The following STS variants were observed in gnomAD, a reference collection of about 807,000 sequenced individuals.
The protein encoded by STS is steryl-sulfatase.
A neutral mutation model predicts 26.8 loss-of-function variants in STS; 7 were observed. The observed-to-expected ratio is 0.26, with a 90% confidence interval of 0.15 to 0.49. The LOEUF (loss-of-function observed/expected upper bound fraction) is 0.49. STS is among the 20% of genes least tolerant of loss of function. The pLI is 0.98. For synonymous variants in STS, 199 were observed against 189.4 expected (o/e 1.05, Z -0.42); for missense variants, 434 against 465.6 (o/e 0.93, Z 0.63).
chrX:7,218,572 C>A (rs1016292240), intron 2 of STS, among the ~76,000 whole-genome samples: 2 of 111,891 alleles, frequency 1.8e-5, no homozygotes, highest in African/African-American at 6.5e-5. Flanking sequence ...GGTTGAGGAA[C>A]CCTATAGAGA....
intron 6 of STS, among the ~76,000 whole-genome samples, chrX:7,274,767 C>T (rs141770818): frequency 0.04 from 4,501 of 111,815 alleles, 214 homozygotes; most frequent in African/African-American, 0.14. Flanking sequence ...TCCCCTCTCT[C>T]GAGAGGTTTA....
Position 7,297,135 on chromosome X carries a change from G to A in STS, c.944-7911G>A, listed in dbSNP as rs1311622678. On this transcript the variant is annotated intron_variant, in intron 7 of 10. Coordinates refer to ENST00000674429, the MANE Select transcript of STS (RefSeq NM_001320752.2). ...AAGTCTCATTATGAGCATTGTTACT[G>A]AGAACTGTGAAATTCCAGCCATCTC... 6.3e-5 allele frequency among the ~76,000 whole-genome samples: 7 copies of A among 111,994 alleles called. No individual in the cohort carries two copies. The Admixed American group carries it at 6.6e-4, about 11-fold the overall frequency.
chrX:7,169,484 C>G (rs1413266372), intron 1 of STS, among the ~76,000 whole-genome samples: 1 of 112,410 alleles, frequency 8.9e-6, no homozygotes, highest in African/African-American at 3.2e-5. Flanking sequence ...GTGAATAATA[C>G]TGCTGTGAAC....
intron 6 of STS, among the ~76,000 whole-genome samples, chrX:7,274,658 A>G (rs1924443558): frequency 8.9e-6 from 1 of 112,207 alleles, no homozygotes; most frequent in African/African-American, 3.2e-5. Context: ...CCACGCATTG[A>G]CAGTGACTTA....
At chrX:7,305,561 A>G (rs1926173401) in intron 8 of STS, among the ~76,000 whole-genome samples, 1 of 112,390 alleles carries the variant, frequency 8.9e-6, no homozygotes, top group African/African-American at 3.2e-5. Context: ...AGAAGTCAGA[A>G]GTTCAAGATG....
At chrX:7,241,834 C>T (rs763110252) in intron 2 of STS, among the ~76,000 whole-genome samples, 1 of 112,161 alleles carries the variant, frequency 8.9e-6, no homozygotes, top group African/African-American at 3.2e-5. Context: ...GCTGTGGTCT[C>T]ATCTGTGGTC....
At chrX:7,340,072 AG>A (rs1928212892) in intron 10 of STS, among the ~76,000 whole-genome samples, 1 of 108,962 alleles carries the variant, frequency 9.2e-6, no homozygotes, top group Non-Finnish European at 1.9e-5. Flanking sequence ...AAAAAAAAAA[AG>A]CGCCAAAAAA....
At chrX:7,158,535 GAGA>G (rs1418331344) in intron 1 of STS, among the ~76,000 whole-genome samples, 1 of 111,706 alleles carries the variant, frequency 9.0e-6, no homozygotes, top group Non-Finnish European at 1.9e-5. Flanking sequence ...GGACCAGTGA[GAGA>G]AGAACAAACC....
chrX:7,319,789 T>A (rs1343263401), intron 8 of STS, among the ~76,000 whole-genome samples: 1 of 106,813 alleles, frequency 9.4e-6, no homozygotes, highest in East Asian at 2.9e-4. Flanking sequence ...TAAAGTGATA[T>A]TGGAGAACTG....
intron 6 of STS, among the ~76,000 whole-genome samples, chrX:7,264,484 T>G (rs1363293090): frequency 6.2e-5 from 7 of 112,179 alleles, no homozygotes; most frequent in Non-Finnish European, 5.6e-5. Flanking sequence ...TAGGGTGGCC[T>G]TTGCTAGCCT....
intron 1 of STS, among the ~76,000 whole-genome samples, chrX:7,158,226 G>T (rs1933173875): frequency 8.9e-6 from 1 of 111,746 alleles, no homozygotes; most frequent in African/African-American, 3.3e-5. Flanking sequence ...ATCCCTGCCT[G>T]ATCTGCTCTA....
chrX:7,232,339 A>G (rs1922098475), intron 2 of STS, among the ~76,000 whole-genome samples: 1 of 112,188 alleles, frequency 8.9e-6, no homozygotes. Flanking sequence ...TATACAGTGC[A>G]TTAGCGTTAG....
intron 2 of STS, among the ~76,000 whole-genome samples, chrX:7,232,986 C>G (rs1017468507): frequency 3.6e-5 from 4 of 111,326 alleles, no homozygotes; most frequent in Non-Finnish European, 7.5e-5. Context: ...CATCACCTTC[C>G]GCCATGATTG....
chrX:7,176,325 G>A (rs1353433670), intron 1 of STS, among the ~76,000 whole-genome samples: 1 of 111,612 alleles, frequency 9.0e-6, no homozygotes, highest in Admixed American at 9.6e-5. Context: ...GTAGAAGAAA[G>A]TTGATTAGGA....
chrX:7,256,840 A>G (rs1368390090), intron 3 of STS, among the ~76,000 whole-genome samples: 2 of 111,702 alleles, frequency 1.8e-5, no homozygotes, highest in Non-Finnish European at 3.8e-5. Context: ...ATTCTGTATC[A>G]CTTCTTCCCC....
intron 2 of STS, among the ~76,000 whole-genome samples, chrX:7,195,982 C>T (rs1478544528): frequency 8.9e-6 from 1 of 112,346 alleles, no homozygotes; most frequent in Non-Finnish European, 1.9e-5. Flanking sequence ...TGCATCTTAG[C>T]CGTGATTTCT....
intron 2 of STS, chrX:7,219,695 C>T: frequency 8.3e-7 from 1 of 1,211,766 alleles, no homozygotes. Context: ...AGGTAAGCGT[C>T]TATTCCCCTG....
At chrX:7,301,628 C>G (rs1047570381) in intron 7 of STS, among the ~76,000 whole-genome samples, 11 of 111,271 alleles carry the variant, frequency 9.9e-5, no homozygotes, top group Non-Finnish European at 2.1e-4. Flanking sequence ...TGGGTTTGGA[C>G]AAAGGTATAA....
At position 7,351,979 on chromosome X, in the gene STS, AC is replaced by A. The variant is rs1461332783; in HGVS notation, c.*1723del. 3.7e-5 allele frequency: 4 copies of A among 108,855 alleles called. No homozygotes were observed. Among genetic ancestry groups the A allele is most frequent in the Non-Finnish European group, 7.6e-5 (4 of 52,454 alleles). The allele number at this position is 108,855 out of a possible 1,213,427, so 9.0% of individuals were successfully genotyped here. A position where few individuals can be genotyped will look rare whatever the true frequency, so the allele number is the denominator to read the frequency against. On this transcript the variant is annotated 3_prime_UTR_variant, in exon 11 of 11. Transcript: ENST00000674429. ...GAAAGAGAAGAAAGAAGTGATTCCTACCCCCTACCTCCAGAGTTGTTGAAAG... is the reference window on the plus strand; with the variant it reads ...GAAAGAGAAGAAAGAAGTGATTCCTACCCCTACCTCCAGAGTTGTTGAAAG...
Sources: gnomAD v4.1 joint callset for allele counts (sites outside exome capture counted in the v4.1 genomes callset) on GRCh38, gnomAD v4.1.1 for gene constraint, MANE v1.5 for transcripts, NCBI Gene and HGNC (gene_info 2026-07-23, HGNC 2026-07-21) for gene names.